Variants in CFAP58 observed in about 807,000 individuals in gnomAD.
CFAP58 encodes the protein cilia and flagella associated protein 58, also known as cilia- and flagella-associated protein 58.
A neutral mutation model predicts 119.5 loss-of-function variants in CFAP58; 88 were observed. The ratio of observed to expected loss-of-function variants is 0.74; its 90% CI spans 0.62 to 0.88. The LOEUF (loss-of-function observed/expected upper bound fraction) is 0.88. CFAP58 is among the 40% of genes least tolerant of loss of function. The pLI is 0.00. For missense variants in CFAP58, 990 were observed against 1,021.2 expected (o/e 0.97, Z 0.42); for synonymous variants, 365 against 366.3 (o/e 1.00, Z 0.04).
intron 3 of CFAP58, 27 bp from the exon 4 acceptor site, chr10:104,364,706 T>G: frequency 1.2e-6 from 2 of 1,610,406 alleles, no homozygotes; most frequent in Non-Finnish European, 1.7e-6. Context: ...GGCCATTTAG[T>G]CTGACTCCTG....
chr10:104,410,612 C>T (rs1166066707), intron 15 of CFAP58, among the ~76,000 whole-genome samples: 13 of 152,176 alleles, frequency 8.5e-5, no homozygotes, highest in African/African-American at 3.1e-4. Flanking sequence ...ATTGTTTCTG[C>T]TCCTTTTTAG....
intron 15 of CFAP58, among the ~76,000 whole-genome samples, chr10:104,434,274 G>A (rs1829036784): frequency 6.6e-6 from 1 of 152,164 alleles, no homozygotes; most frequent in African/African-American, 2.4e-5. Context: ...TTAATCCCCA[G>A]GGGATTGTTT....
chr10:104,383,450 C>G (rs542576033), intron 9 of CFAP58, among the ~76,000 whole-genome samples: 7 of 150,522 alleles, frequency 4.7e-5, no homozygotes, highest in African/African-American at 1.7e-4. Context: ...AAGAATGCTG[C>G]CACTGATTTT....
At position 104,392,323 on chromosome 10, in the gene CFAP58, C is replaced by T. The variant is rs1028549950; in HGVS notation, c.1456C>T (p.Gln486Ter). 2.8e-5 allele frequency: 45 copies of T among 1,612,722 alleles called. No individual in the cohort carries two copies. Among genetic ancestry groups the T allele is most frequent in the Non-Finnish European group, 3.5e-5 (41 of 1,179,480 alleles). ...AGCTGAATCAGAGATTAAATTAAAA[C>T]AGCAACAGAACCTATATGAAGCTGT... ...KIAESEIKLKQQQNLYEAVRS... is the reference protein window; with the variant it reads ...KIAESEIKLK Residue 486 changes from glutamine (Q) to a stop codon, truncating the protein, a stop_gained, in exon 10 of 18, where the codon CAG (glutamine) becomes TAG (stop). Coordinates refer to ENST00000369704, the MANE Select transcript of CFAP58 (RefSeq NM_001008723.2). LOFTEE classifies it high-confidence loss of function.
chr10:104,435,749 T>C (rs1250113930), intron 15 of CFAP58, among the ~76,000 whole-genome samples: 1 of 152,244 alleles, frequency 6.6e-6, no homozygotes, highest in African/African-American at 2.4e-5. Context: ...GATTTCATTC[T>C]TTATTAAGGC....
chr10:104,393,349 G>T lies in CFAP58; in HGVS notation c.1548G>T (p.Lys516Asn), dbSNP rs751389686. 4.3e-6 allele frequency: 7 copies of T among 1,613,570 alleles called. No homozygotes were observed. In the African/African-American group the frequency reaches 9.3e-5, roughly 22 times the overall value. ...VEAQDEITDM[K>N]RKLKIMIHQV... Reference sequence around the variant, plus strand: ...GTTAGGATGAAATAACAGATATGAAGAGAAAGTTAAAGATTATGATCCATC... The same window carrying T: ...GTTAGGATGAAATAACAGATATGAATAGAAAGTTAAAGATTATGATCCATC... Residue 516 changes from lysine (K) to asparagine (N), a missense_variant, in exon 11 of 18, where the codon AAG becomes AAT. Transcript: ENST00000369704.
intron 9 of CFAP58, among the ~76,000 whole-genome samples, chr10:104,390,167 A>G (rs2012003647): frequency 6.6e-6 from 1 of 152,232 alleles, no homozygotes; most frequent in African/African-American, 2.4e-5. Context: ...GCATGAGAAT[A>G]CACATACAAA....
At chr10:104,365,214 C>T (rs1480507602) in intron 4 of CFAP58, among the ~76,000 whole-genome samples, 1 of 152,212 alleles carries the variant, frequency 6.6e-6, no homozygotes, top group Non-Finnish European at 1.5e-5. Flanking sequence ...GTTTCTTTGG[C>T]CCTACTTATT....
At chr10:104,357,952 T>A (rs1002392120) in intron 1 of CFAP58, among the ~76,000 whole-genome samples, 4 of 115,328 alleles carry the variant, frequency 3.5e-5, no homozygotes, top group Non-Finnish European at 6.9e-5. Flanking sequence ...TGTACACATA[T>A]ATACACATAT....
intron 7 of CFAP58, among the ~76,000 whole-genome samples, chr10:104,372,494 A>G (rs996161402): frequency 5.3e-5 from 8 of 152,218 alleles, no homozygotes; most frequent in African/African-American, 1.9e-4. Context: ...TTCTCTGTTC[A>G]TGCATTCAGT....
intron 9 of CFAP58, among the ~76,000 whole-genome samples, chr10:104,385,367 A>G (rs1170425507): frequency 6.6e-6 from 1 of 152,198 alleles, no homozygotes; most frequent in Non-Finnish European, 1.5e-5. Context: ...TAAATCCAAC[A>G]TGGCGTTACT....
intron 1 of CFAP58, among the ~76,000 whole-genome samples, chr10:104,357,821 A>G (rs1018390206): frequency 2.0e-5 from 3 of 147,650 alleles, no homozygotes; most frequent in Non-Finnish European, 4.5e-5. Context: ...ATATGTACAT[A>G]TATACACATA....
At chr10:104,374,250 G>T (rs1038635987) in intron 7 of CFAP58, among the ~76,000 whole-genome samples, 1 of 151,248 alleles carries the variant, frequency 6.6e-6, no homozygotes, top group Non-Finnish European at 1.5e-5. Context: ...GCTTGAGCCC[G>T]GGAGTCTGAG....
chr10:104,433,652 T>A (rs897025247), intron 15 of CFAP58, among the ~76,000 whole-genome samples: 3 of 152,146 alleles, frequency 2.0e-5, no homozygotes, highest in Non-Finnish European at 2.9e-5. Context: ...GATGTCATGA[T>A]CCAGCTATTG....
In CFAP58 at chr10:104,357,889, A is replaced by AC. The variant is rs1564875806; in HGVS notation, c.10-452_10-451insC. Among the ~76,000 whole-genome samples, 463 of 101,626 alleles carry AC rather than the reference A, an allele frequency of 4.6e-3. 22 individuals carry two copies. The highest frequency in any genetic ancestry group is 7.6e-3 in the African/African-American group (121 of 15,846). 66.7% of individuals were successfully genotyped at this position (101,626 alleles called of 152,430 possible). ...TATACACATATATGTACACATATAT[A>AC]AACATATATGTACACATATACACAC... On this transcript the variant is annotated intron_variant, in intron 1 of 17. Transcript: ENST00000369704.
In CFAP58 at chr10:104,392,334, C is replaced by T; in HGVS notation, c.1467C>T (p.Asn489=). ...ESEIKLKQQQ[N]LYEAVRSDRN... ...AGATTAAATTAAAACAGCAACAGAA[C>T]CTATATGAAGCTGTGAGATCAGACA... The change falls in exon 10 of 18, where the codon AAC becomes AAT. Residue 489 remains asparagine, a synonymous_variant. Coordinates refer to ENST00000369704, the MANE Select transcript of CFAP58 (RefSeq NM_001008723.2). 4 of 1,612,142 alleles carry T rather than the reference C, an allele frequency of 2.5e-6. No homozygotes were observed. Among genetic ancestry groups the T allele is most frequent in the African/African-American group, 1.3e-5 (1 of 74,836 alleles).
At chr10:104,372,382 A>T (rs2014836410) in intron 7 of CFAP58, among the ~76,000 whole-genome samples, 1 of 152,114 alleles carries the variant, frequency 6.6e-6, no homozygotes, top group Non-Finnish European at 1.5e-5. Flanking sequence ...GAGAGAGAAA[A>T]AAAAGAAATA....
chr10:104,428,552 C>T (rs757748741), intron 15 of CFAP58, among the ~76,000 whole-genome samples: 1 of 152,154 alleles, frequency 6.6e-6, no homozygotes, highest in Non-Finnish European at 1.5e-5. Context: ...TGGAGTGATG[C>T]GTGCTCTTCT....
At chr10:104,346,981 C>T in the CFAP58 span, among the ~76,000 whole-genome samples, 11 of 151,996 alleles carry the variant, frequency 7.2e-5, no homozygotes, top group Admixed American at 3.9e-4. Flanking sequence ...GACTTGTGCA[C>T]GTCCTTACCA....
Sources: gnomAD v4.1 joint callset for allele counts (sites outside exome capture counted in the v4.1 genomes callset) on GRCh38, gnomAD v4.1.1 for gene constraint, MANE v1.5 for transcripts, NCBI Gene and HGNC (gene_info 2026-07-23, HGNC 2026-07-21) for gene names.